Variants in RAD51B observed in about 807,000 individuals in gnomAD.
The protein encoded by RAD51B is DNA repair protein RAD51 homolog 2.
In RAD51B, 38 loss-of-function variants were observed where a neutral mutation model predicts 42.2. The ratio of observed to expected loss-of-function variants is 0.90; its 90% CI spans 0.70 to 1.18. The LOEUF is 1.18. Ranked by LOEUF, RAD51B falls within the 50% of genes most tolerant of loss-of-function variation. The pLI is 0.00. For missense variants in RAD51B, 373 were observed against 400.7 expected, an observed-to-expected ratio of 0.93 and a Z score of 0.59; for synonymous variants, 154 against 145.2, an observed-to-expected ratio of 1.06 and a Z score of -0.43.
chr14:68,135,322 A>G (rs1033985108), intron 7 of RAD51B, among the ~76,000 whole-genome samples: 2 of 152,208 alleles, frequency 1.3e-5, no homozygotes, highest in Non-Finnish European at 2.9e-5. Context: ...ACCTCATATT[A>G]CTAATATTTT....
intron 8 of RAD51B, among the ~76,000 whole-genome samples, chr14:68,375,219 T>C (rs1391156915): frequency 6.6e-6 from 1 of 152,050 alleles, no homozygotes; most frequent in Non-Finnish European, 1.5e-5. Context: ...TTGTATGTGA[T>C]GGTAAAGCTG....
intron 7 of RAD51B, among the ~76,000 whole-genome samples, chr14:67,948,946 A>AG (rs1272613392): frequency 5.3e-5 from 8 of 150,326 alleles, no homozygotes; most frequent in African/African-American, 2.0e-4. Flanking sequence ...AAAAAAAAAA[A>AG]AAAAAAAAAA....
intron 9 of RAD51B, among the ~76,000 whole-genome samples, chr14:68,436,088 C>G (rs139578692): frequency 6.7e-4 from 102 of 152,202 alleles, no homozygotes; most frequent in African/African-American, 2.4e-3. Flanking sequence ...GTCAAAAATT[C>G]TTTCTCAAGG....
intron 10 of RAD51B, among the ~76,000 whole-genome samples, chr14:68,515,778 C>CT (rs546071661): frequency 0.27 from 30,381 of 113,528 alleles, 4,741 homozygotes; most frequent in Non-Finnish European, 0.37. Context: ...CTTTTCTTTT[C>CT]TTTTTTTTTT....
chr14:68,115,692 G>A (rs1221165854), intron 7 of RAD51B, among the ~76,000 whole-genome samples: 1 of 152,050 alleles, frequency 6.6e-6, no homozygotes, highest in African/African-American at 2.4e-5. Flanking sequence ...GAAAAAGAAG[G>A]TCATATTCTT....
intron 8 of RAD51B, among the ~76,000 whole-genome samples, chr14:68,355,770 G>GTGCATA: frequency 6.6e-6 from 1 of 152,326 alleles, no homozygotes; most frequent in Non-Finnish European, 1.5e-5. Flanking sequence ...CTCTCAGAAT[G>GTGCATA]TGCATATTAT....
At chr14:67,835,630 T>G (rs1240467850) in intron 4 of RAD51B, among the ~76,000 whole-genome samples, 3 of 151,476 alleles carry the variant, frequency 2.0e-5, no homozygotes, top group Non-Finnish European at 4.4e-5. Context: ...ATATATATGA[T>G]TATATCATGC....
chr14:68,343,427 G>A (rs7146110), intron 8 of RAD51B, among the ~76,000 whole-genome samples: 12,667 of 152,194 alleles, frequency 0.083, 881 homozygotes, highest in East Asian at 0.4. Context: ...CCAGAATAAT[G>A]TTGTGTAATT....
chr14:68,648,408 T>C (rs1892629105), intron 10 of RAD51B, among the ~76,000 whole-genome samples: 1 of 149,570 alleles, frequency 6.7e-6, no homozygotes, highest in Non-Finnish European at 1.5e-5. Flanking sequence ...AACTTTTAAT[T>C]TGTTATGGTG....
chr14:68,404,103 C>T (rs956216032), intron 8 of RAD51B, among the ~76,000 whole-genome samples: 1 of 152,214 alleles, frequency 6.6e-6, no homozygotes, highest in Non-Finnish European at 1.5e-5. Flanking sequence ...ATGTAGCTTA[C>T]ACAGAGACTT....
At chr14:68,283,505 G>T (rs1287383993) in intron 7 of RAD51B, among the ~76,000 whole-genome samples, 1 of 152,186 alleles carries the variant, frequency 6.6e-6, no homozygotes, top group Non-Finnish European at 1.5e-5. Context: ...ATTGCACACA[G>T]TTGGCGAATA....
chr14:68,009,925 T>C (rs1343827148), intron 7 of RAD51B, among the ~76,000 whole-genome samples: 1 of 151,918 alleles, frequency 6.6e-6, no homozygotes, highest in African/African-American at 2.4e-5. Flanking sequence ...CTTGTGACTG[T>C]TTATTTCTAG....
rs369768475 is a variant in RAD51B at position 68,654,236 on chromosome 14, T to G, written c.*11+3380T>G. On this transcript the variant is annotated intron_variant, in intron 11 of 11. Transcript: ENST00000488612. ...TGAAGACAGGGAATAAGCCCAGCGC[T>G]ACAGAGCTGATGGAATCCTGGTGGT... Among the ~76,000 whole-genome samples, 9 of 152,374 alleles carry G rather than the reference T, an allele frequency of 5.9e-5. No individual in the cohort carries two copies. In the South Asian group the frequency reaches 1.9e-3, roughly 32 times the overall value.
intron 10 of RAD51B, among the ~76,000 whole-genome samples, chr14:68,643,497 G>A (rs140049129): frequency 1.7e-3 from 256 of 152,222 alleles, no homozygotes; most frequent in African/African-American, 6.0e-3. Flanking sequence ...GGGAGTGGTG[G>A]GGGGATAAAG....
intron 9 of RAD51B, among the ~76,000 whole-genome samples, chr14:68,417,765 A>G (rs1334185496): frequency 6.6e-6 from 1 of 152,158 alleles, no homozygotes; most frequent in Non-Finnish European, 1.5e-5. Flanking sequence ...TATCTTTCCT[A>G]CCACCCACAA....
intron 9 of RAD51B, among the ~76,000 whole-genome samples, chr14:68,437,575 A>G (rs1192373695): frequency 1.3e-5 from 2 of 151,650 alleles, no homozygotes; most frequent in Admixed American, 1.3e-4. Context: ...TATGTTGAAC[A>G]CCTCCCCTTT....
chr14:68,680,928 G>T (rs577691035), intron 11 of RAD51B, among the ~76,000 whole-genome samples: 1 of 152,080 alleles, frequency 6.6e-6, no homozygotes, highest in Admixed American at 6.5e-5. Context: ...TGGGAGTTTG[G>T]GGTGTTTTTT....
intron 10 of RAD51B, among the ~76,000 whole-genome samples, chr14:68,518,361 T>G (rs1886306778): frequency 6.6e-6 from 1 of 152,200 alleles, no homozygotes; most frequent in Non-Finnish European, 1.5e-5. Context: ...CTGTTCTGCC[T>G]GTGACTGCAG....
chr14:67,869,480 G>A (rs1179960854), intron 5 of RAD51B, among the ~76,000 whole-genome samples: 6 of 152,068 alleles, frequency 3.9e-5, no homozygotes, highest in Non-Finnish European at 8.8e-5. Flanking sequence ...TGAAAGTGAC[G>A]GGGAGAATGG....
Sources: allele counts gnomAD v4.1 joint callset (sites outside exome capture counted in the v4.1 genomes callset), GRCh38; gene constraint gnomAD v4.1.1; transcripts MANE v1.5; gene names NCBI Gene and HGNC (gene_info 2026-07-23, HGNC 2026-07-21).